Variants in C9orf78 observed in about 807,000 individuals in gnomAD.
C9orf78 encodes the protein chromosome 9 open reading frame 78, also known as splicing factor C9orf78.
Under a neutral mutation model 37.4 loss-of-function variants are expected in C9orf78, and 19 were observed. The ratio of observed to expected loss-of-function variants is 0.51; its 90% CI spans 0.35 to 0.74. The LOEUF (loss-of-function observed/expected upper bound fraction) is 0.74, where lower values mean the gene tolerates loss of function less well. C9orf78 is among the 30% of genes least tolerant of loss of function. C9orf78 has a pLI of 0.01. For synonymous variants in C9orf78, 130 were observed against 128.0 expected (o/e 1.02, Z -0.10); for missense variants, 291 against 370.8 (o/e 0.78, Z 1.77).
At position 129,833,476 on chromosome 9, in the gene C9orf78, C is replaced by T. The variant is rs2031564890; in HGVS notation, c.237G>A (p.Met79Ile). 1.2e-6 allele frequency: 2 copies of T among 1,605,512 alleles called. No homozygotes were observed. The highest frequency in any genetic ancestry group is 1.7e-5 in the Admixed American group (1 of 59,974). The change falls in exon 4 of 9, where the codon ATG becomes ATA. Residue 79 changes from methionine (M) to isoleucine (I), a missense_variant. Around this residue, in one of 3 missense-constraint regions of C9orf78, gnomAD observed 158 missense variants for 174.8 expected, o/e 0.90. Coordinates refer to ENST00000372447, the MANE Select transcript of C9orf78 (RefSeq NM_016520.3). ...FQMKTGGMVDMKKLKERGKDK... is the reference protein window; with the variant it reads ...FQMKTGGMVDIKKLKERGKDK... ...CTTTGCCCCTTTCCTTCAGTTTCTTCATATCCACCATACCACCTGTCTTCA... is the reference window on the plus strand; with the variant it reads ...CTTTGCCCCTTTCCTTCAGTTTCTTTATATCCACCATACCACCTGTCTTCA...
At chr9:129,830,146 T>A (rs2031453527) in intron 6 of C9orf78, 1 of 152,710 alleles carries the variant, frequency 6.5e-6, no homozygotes, top group Non-Finnish European at 1.5e-5. Context: ...GATAAGAACA[T>A]GGGGTCTCAT....
In C9orf78 at chr9:129,833,482, C is replaced by T. The variant is rs1181593265; in HGVS notation, c.231G>A (p.Val77=). The T allele has an allele frequency of 6.2e-7, 1 of 1,605,992 alleles. No homozygotes were observed. The highest frequency in any genetic ancestry group is 8.5e-7 in the Non-Finnish European group (1 of 1,172,596). ...DPFQMKTGGM[V]DMKKLKERGK... is the part of the protein sequence containing the mutation. ...CCCTTTCCTTCAGTTTCTTCATATC[C>T]ACCATACCACCTGTCTTCATCTGAA... The change falls in exon 4 of 9, where the codon GTG becomes GTA. Residue 77 remains valine, a synonymous_variant. Transcript: ENST00000372447.
chr9:129,831,491 C>T (rs2031495031), intron 5 of C9orf78: 1 of 241,902 alleles, frequency 4.1e-6, no homozygotes, highest in Non-Finnish European at 8.1e-6. Context: ...ATGGCGAGAT[C>T]TTGGCTCGCC....
rs926593270 is a variant in C9orf78, at chr9:129,829,166, G to A, written c.778+39C>T. ...TGCCTCCATGGGTTCCCACATTGCT[G>A]AGCACTCCAGGCAGCCCCGAGGCCT... is the stretch of plus-strand genomic sequence containing the variant. On this transcript the variant is annotated intron_variant, in intron 8 of 8. Transcript: ENST00000372447. 4.9e-6 allele frequency: 7 copies of A among 1,440,128 alleles called. No homozygotes were observed. In the African/African-American group the frequency reaches 9.8e-5, roughly 20 times the overall value. 89.2% of individuals were successfully genotyped at this position (1,440,128 alleles called of 1,614,324 possible). A position where few individuals can be genotyped will look rare whatever the true frequency, so the allele number is the denominator to read the frequency against.
At chr9:129,828,580 C>T (rs2031406472) in intron 8 of C9orf78, 1 of 245,332 alleles carries the variant, frequency 4.1e-6, no homozygotes, top group Non-Finnish European at 8.1e-6. Context: ...CCTGCCACCT[C>T]ACCTGGCTAA....
At chr9:129,834,597 A>G in intron 2 of C9orf78, 110 bp downstream of exon 2, 3 of 763,008 alleles carry the variant, frequency 3.9e-6, no homozygotes, top group Non-Finnish European at 6.9e-6. Context: ...GAAGGTGTAC[A>G]GTGTGTCAAG....
chr9:129,831,341 A>T, intron 5 of C9orf78: 2 of 481,230 alleles, frequency 4.2e-6, no homozygotes, highest in East Asian at 7.1e-5. Flanking sequence ...TTGGCAAAAT[A>T]AAAAGTGGGC....
At position 129,827,892 on chromosome 9, in the gene C9orf78, G is replaced by A. The variant is rs1026712729; in HGVS notation, c.*269C>T. 2.4e-5 allele frequency: 5 copies of A among 208,602 alleles called. No individual in the cohort carries two copies. The highest frequency in any genetic ancestry group is 4.9e-5 in the Non-Finnish European group (5 of 102,420). The allele number at this position is 208,602 out of a possible 1,614,324, so 12.9% of individuals were successfully genotyped here. On this transcript the variant is annotated 3_prime_UTR_variant, in exon 9 of 9. Transcript: ENST00000372447. ...CACAACCTCCGCCTCTTGGGTTCAA[G>A]CAATTCTCCTGCCTCAGCCTCCTGA...
intron 4 of C9orf78, 118 bp from the exon 5 acceptor site, chr9:129,832,091 A>T: frequency 4.1e-6 from 1 of 244,568 alleles, no homozygotes; most frequent in Non-Finnish European, 7.9e-6. Context: ...TACAGTTGGC[A>T]AAAAAAAAAA....
In C9orf78 at chr9:129,834,705, A is replaced by C. The variant is rs1338153204; in HGVS notation, c.143+2T>G. ...TCCTCCTCCTCCCCGCGTGGTACCC[A>C]CCTCACCCCGTTGGGCCTCTTCCTC... On this transcript the variant is annotated splice_donor_variant, in intron 2 of 8. Transcript: ENST00000372447. LOFTEE classifies it high-confidence loss of function. The C allele has an allele frequency of 1.2e-6, 2 of 1,608,964 alleles. No homozygotes were observed. Among genetic ancestry groups the C allele is most frequent in the Non-Finnish European group, 1.7e-6 (2 of 1,176,114 alleles).
At chr9:129,834,851 C>G (rs2031662234) in intron 1 of C9orf78, 85 bp from the exon 2 acceptor site, 1 of 1,065,206 alleles carries the variant, frequency 9.4e-7, no homozygotes, top group Admixed American at 1.7e-5. Context: ...AAGGCACCTT[C>G]GAGGGCATCC....
chr9:129,832,116 T>C (rs2031515364), intron 4 of C9orf78, 143 bp from the exon 5 acceptor site: 9 of 602,934 alleles, frequency 1.5e-5, no homozygotes, highest in South Asian at 1.2e-4. Context: ...CCGTAGTATA[T>C]GTAAAGAAAA....
rs1042028495 is a variant in C9orf78 at position 129,835,201 on chromosome 9, A to G, written c.21T>C (p.Ile7=). 6.2e-7 allele frequency: 1 copy of G among 1,610,540 alleles called. No individual in the cohort carries two copies. The highest frequency in any genetic ancestry group is 1.1e-5 in the South Asian group (1 of 91,000). ...CCGAGTCGCCCCGGCGGCGACGGAA[A>G]ATCTTCCGGACGACCGGCATGGTGA... MPVVRK[I]FRRRRGDSES... is the part of the protein sequence containing the mutation. The change falls in exon 1 of 9, where the codon ATT becomes ATC. Residue 7 remains isoleucine, a synonymous_variant. Transcript: ENST00000372447.
At chr9:129,832,089 G>GAA in intron 4 of C9orf78, 116 bp from the exon 5 acceptor site, 2 of 549,788 alleles carry the variant, frequency 3.6e-6, no homozygotes, top group South Asian at 4.6e-5. Context: ...TTTACAGTTG[G>GAA]CAAAAAAAAA....
intron 5 of C9orf78, 139 bp downstream of exon 5, chr9:129,831,757 T>C (rs1366804700): frequency 1.5e-6 from 1 of 688,078 alleles, no homozygotes; most frequent in Admixed American, 2.1e-5. Context: ...TCAAAGTTCT[T>C]AAGCTGGGAA....
At position 129,832,999 on chromosome 9, in the gene C9orf78, G is replaced by A. The variant is rs570242101; in HGVS notation, c.266+448C>T. Among the ~76,000 whole-genome samples the A allele has an allele frequency of 1.4e-3, 191 of 131,874 alleles. 1 individual carries two copies. Among genetic ancestry groups the A allele is most frequent in the African/African-American group, 4.7e-3 (168 of 35,522 alleles). 86.5% of individuals were successfully genotyped at this position (131,874 alleles called of 152,430 possible). ...TATGCGTGTGTGTATATATATATAT[G>A]TGTGTGTGTGTGTGTGTATATGTGT... On this transcript the variant is annotated intron_variant, in intron 4 of 8. Coordinates refer to ENST00000372447, the MANE Select transcript of C9orf78 (RefSeq NM_016520.3).
At chr9:129,829,344 T>C in intron 7 of C9orf78, 41 bp from the exon 8 acceptor site, 1 of 1,602,912 alleles carries the variant, frequency 6.2e-7, no homozygotes, top group South Asian at 1.1e-5. Context: ...GAACATGAGG[T>C]TCCTAGGGAT....
chr9:129,835,001 GC>G, intron 1 of C9orf78, 137 bp downstream of exon 1: 1 of 771,354 alleles, frequency 1.3e-6, no homozygotes, highest in East Asian at 2.6e-5. Context: ...CACCCCTTGA[GC>G]CTCAATTTCT....
At chr9:129,834,937 A>G (rs1283032914) in intron 1 of C9orf78, 171 bp from the exon 2 acceptor site, 8 of 667,902 alleles carry the variant, frequency 1.2e-5, no homozygotes, top group Admixed American at 8.0e-5. Flanking sequence ...AGTCAGAGCC[A>G]CTGCGCATCC....
Sources: allele counts gnomAD v4.1 joint callset (sites outside exome capture counted in the v4.1 genomes callset), GRCh38; gene constraint gnomAD v4.1.1; regional missense constraint gnomAD v4.1.1; transcripts MANE v1.5; gene names NCBI Gene and HGNC (gene_info 2026-07-23, HGNC 2026-07-21).